RBFOX1: variants seen among roughly 807,000 people sequenced by gnomAD.
RBFOX1 encodes RNA binding protein fox-1 homolog 1.
In RBFOX1, 8 loss-of-function variants were observed where a neutral mutation model predicts 57.7. The observed-to-expected ratio is 0.14, with a 90% CI of 0.08 to 0.25. The LOEUF (loss-of-function observed/expected upper bound fraction) is 0.25. Among genes scored for constraint, RBFOX1 ranks in the 10% least tolerant of loss-of-function variants. The pLI is 1.00. For synonymous variants in RBFOX1, 326 were observed against 222.4 expected (o/e 1.47, Z -4.15); for missense variants, 611 against 548.5 (o/e 1.11, Z -1.14).
intron 1 of RBFOX1, among the ~76,000 whole-genome samples, chr16:6,246,531 A>T (rs1331230051): frequency 3.9e-5 from 6 of 152,132 alleles, no homozygotes; most frequent in Non-Finnish European, 5.9e-5. Flanking sequence ...TAGGAAGAAG[A>T]GTGTTACTAT....
chr16:7,377,042 C>T (rs1022950263), intron 4 of RBFOX1, among the ~76,000 whole-genome samples: 6 of 152,186 alleles, frequency 3.9e-5, no homozygotes, highest in African/African-American at 1.4e-4. Flanking sequence ...TTCTTCAAAA[C>T]TGATGGAAGG....
Position 7,218,015 on chromosome 16 carries a change from CGT to C in RBFOX1, c.27+165923_27+165924del, listed in dbSNP as rs956591030. ...GTGTGCACGTGCATGTGTGTTTGTACGTGTGTGGGGTGTGTGCGCGCGTGTGC... is the reference window on the plus strand; with the variant it reads ...GTGTGCACGTGCATGTGTGTTTGTACGTGTGGGGTGTGTGCGCGCGTGTGC... On this transcript the variant is annotated intron_variant, in intron 4 of 15. Coordinates refer to ENST00000550418, the MANE Select transcript of RBFOX1 (RefSeq NM_018723.4). Among the ~76,000 whole-genome samples the C allele has an allele frequency of 1.2e-4, 18 of 149,456 alleles. 1 individual carries two copies. The highest frequency in any genetic ancestry group is 4.4e-4 in the African/African-American group (18 of 40,490).
intron 2 of RBFOX1, among the ~76,000 whole-genome samples, chr16:6,384,273 T>A (rs1464842045): frequency 6.6e-6 from 1 of 152,198 alleles, no homozygotes; most frequent in Non-Finnish European, 1.5e-5. Context: ...CAATGAATCC[T>A]GTTTGAAATG....
chr16:5,927,455 G>A (rs1432374335), intron 4 of RBFOX1, among the ~76,000 whole-genome samples: 1 of 152,156 alleles, frequency 6.6e-6, no homozygotes, highest in Non-Finnish European at 1.5e-5. Flanking sequence ...GGTAAGTGTT[G>A]GTAAGGGTGT....
intron 3 of RBFOX1, among the ~76,000 whole-genome samples, chr16:6,748,066 G>C (rs560216555): frequency 1.3e-5 from 2 of 152,190 alleles, no homozygotes; most frequent in East Asian, 1.9e-4. Context: ...CCATTTTCCT[G>C]ATACTTTTTT....
chr16:7,389,560 C>T (rs777038485), intron 4 of RBFOX1, among the ~76,000 whole-genome samples: 1 of 152,176 alleles, frequency 6.6e-6, no homozygotes, highest in African/African-American at 2.4e-5. Flanking sequence ...AAGATCCTTA[C>T]AGAATGACTT....
At chr16:6,836,653 G>A (rs2093120888) in intron 3 of RBFOX1, among the ~76,000 whole-genome samples, 1 of 152,126 alleles carries the variant, frequency 6.6e-6, no homozygotes, top group Non-Finnish European at 1.5e-5. Flanking sequence ...CCGCTTCGGG[G>A]GTGACAGTTC....
chr16:5,778,235 G>C (rs1301556602), intron 3 of RBFOX1, among the ~76,000 whole-genome samples: 1 of 152,166 alleles, frequency 6.6e-6, no homozygotes, highest in East Asian at 1.9e-4. Context: ...TCCATGTGTG[G>C]AGACCTAACA....
intron 4 of RBFOX1, among the ~76,000 whole-genome samples, chr16:7,508,277 C>A (rs937276884): frequency 6.6e-6 from 1 of 152,160 alleles, no homozygotes; most frequent in Non-Finnish European, 1.5e-5. Flanking sequence ...CGCGCCCGGC[C>A]AGTTGTTTTG....
chr16:7,546,410 C>G (rs911253990), intron 5 of RBFOX1, among the ~76,000 whole-genome samples: 2 of 152,044 alleles, frequency 1.3e-5, no homozygotes, highest in African/African-American at 2.4e-5. Context: ...TACCTTGTGT[C>G]AGCTGTTGCA....
At chr16:6,252,967 A>C (rs1049490783) in intron 1 of RBFOX1, among the ~76,000 whole-genome samples, 9 of 152,190 alleles carry the variant, frequency 5.9e-5, no homozygotes, top group Non-Finnish European at 1.3e-4. Context: ...ACTTAGTGAT[A>C]TAATGCTTTC....
intron 4 of RBFOX1, among the ~76,000 whole-genome samples, chr16:7,214,577 C>A (rs915862234): frequency 6.6e-6 from 1 of 152,024 alleles, no homozygotes; most frequent in Non-Finnish European, 1.5e-5. Flanking sequence ...AGCTGTGCTC[C>A]TACCTCATCG....
At chr16:5,488,999 C>A (rs2042736779) in intron 2 of RBFOX1, among the ~76,000 whole-genome samples, 1 of 152,138 alleles carries the variant, frequency 6.6e-6, no homozygotes, top group Non-Finnish European at 1.5e-5. Context: ...TGGTAAATTC[C>A]CTTTCTGTCA....
At chr16:5,761,910 C>T (rs569229257) in intron 3 of RBFOX1, among the ~76,000 whole-genome samples, 9 of 152,240 alleles carry the variant, frequency 5.9e-5, no homozygotes, top group African/African-American at 2.2e-4. Flanking sequence ...TGACCCCTAT[C>T]AAAGGAAGTT....
At chr16:7,439,923 C>G (rs557356586) in intron 4 of RBFOX1, among the ~76,000 whole-genome samples, 6 of 150,926 alleles carry the variant, frequency 4.0e-5, no homozygotes, top group Admixed American at 6.6e-5. Flanking sequence ...GTTTCCTGAA[C>G]CACAAAACAA....
Position 6,839,893 on chromosome 16 carries a change from C to A in RBFOX1, c.-16+185243C>A, listed in dbSNP as rs775793600. On this transcript the variant is annotated intron_variant, in intron 3 of 15. Coordinates refer to ENST00000550418, the MANE Select transcript of RBFOX1 (RefSeq NM_018723.4). ...CTTTTCCCCTCCCATCCCATTCTCTCGATTTCTTAACTTTCAATTGCATTA... is the reference window on the plus strand; with the variant it reads ...CTTTTCCCCTCCCATCCCATTCTCTAGATTTCTTAACTTTCAATTGCATTA... Among the ~76,000 whole-genome samples the A allele has an allele frequency of 2.0e-5, 3 of 152,276 alleles. No homozygotes were observed. The East Asian group carries it at 5.8e-4, about 29-fold the overall frequency.
intron 3 of RBFOX1, among the ~76,000 whole-genome samples, chr16:6,814,181 T>C (rs1410882025): frequency 6.7e-6 from 1 of 149,710 alleles, no homozygotes. Flanking sequence ...TGAGATCTCA[T>C]TGCATGATCA....
intron 4 of RBFOX1, among the ~76,000 whole-genome samples, chr16:7,206,363 C>T (rs1019703924): frequency 1.3e-5 from 2 of 151,722 alleles, no homozygotes; most frequent in Admixed American, 1.3e-4. Flanking sequence ...CCTAACATAC[C>T]CCTTATAAAT....
chr16:7,178,822 T>C (rs956352247), intron 4 of RBFOX1, among the ~76,000 whole-genome samples: 1 of 152,250 alleles, frequency 6.6e-6, no homozygotes, highest in African/African-American at 2.4e-5. Flanking sequence ...ACACCTGTTA[T>C]TCTGCAAGTT....
Sources: gnomAD v4.1 joint callset for allele counts (sites outside exome capture counted in the v4.1 genomes callset) on GRCh38, gnomAD v4.1.1 for gene constraint, MANE v1.5 for transcripts, NCBI Gene and HGNC (gene_info 2026-07-23, HGNC 2026-07-21) for gene names.